Variants in CFAP54 observed in about 807,000 individuals in gnomAD.
CFAP54 encodes the protein cilia- and flagella-associated protein 54.
CFAP54 carries 290 observed loss-of-function variants against 370.4 expected under a neutral mutation model. The observed-to-expected ratio is 0.78, with a 90% CI of 0.71 to 0.86. The LOEUF is 0.86. Among genes scored for constraint, CFAP54 ranks in the 40% least tolerant of loss-of-function variants. The probability of loss-of-function intolerance (pLI) is 0.00; values close to 1 mark genes in which losing one functional copy is unlikely to be tolerated. For synonymous variants in CFAP54, 1,206 were observed against 1,236.5 expected (o/e 0.98, Z 0.52); for missense variants, 3,399 against 3,528.7 (o/e 0.96, Z 0.93).
intron 66 of CFAP54, among the ~76,000 whole-genome samples, chr12:96,849,101 G>A (rs530368145): frequency 6.0e-4 from 91 of 152,238 alleles, no homozygotes; most frequent in African/African-American, 2.2e-3. Context: ...ACTTTAGAAT[G>A]CATGTTTTTC....
At chr12:96,553,820 T>C (rs1955723335) in intron 15 of CFAP54, among the ~76,000 whole-genome samples, 1 of 151,948 alleles carries the variant, frequency 6.6e-6, no homozygotes, top group African/African-American at 2.4e-5. Flanking sequence ...AAAAATCTTT[T>C]TCAAATTAGG....
intron 36 of CFAP54, among the ~76,000 whole-genome samples, chr12:96,652,286 A>G (rs1299804209): frequency 6.6e-6 from 1 of 152,252 alleles, no homozygotes; most frequent in Non-Finnish European, 1.5e-5. Context: ...TAATATAAAT[A>G]GAATATAACC....
Position 96,822,170 on chromosome 12 carries a change from T to C in CFAP54, c.9096+4257T>C, listed in dbSNP as rs145116189. 4.4e-3 allele frequency among the ~76,000 whole-genome samples: 672 copies of C among 152,324 alleles called. 2 individuals are homozygous for C. Among genetic ancestry groups the C allele is most frequent in the African/African-American group, 0.015 (639 of 41,566 alleles). On this transcript the variant is annotated intron_variant, in intron 65 of 67. Transcript: ENST00000524981. The stretch of plus-strand genomic sequence containing the variant: ...TAAAGTGAACAACACTGGCTGTGAA[T>C]GGCTGAGTTATTTTAATCTGTCATT...
intron 67 of CFAP54, among the ~76,000 whole-genome samples, chr12:96,871,948 G>A (rs763141923): frequency 4.6e-5 from 7 of 152,092 alleles, no homozygotes; most frequent in Non-Finnish European, 1.0e-4. Flanking sequence ...GATAGGAAGG[G>A]AAGTTAGGAA....
rs144989779 is a variant in CFAP54 at position 96,817,280 on chromosome 12, AAAGTT to A, written c.8958-491_8958-487del. ...GTATGACAAGACCATAAACATAATG[AAAGTT>A]AAGACTGTGTCTCTTTGCTCATGTT... On this transcript the variant is annotated intron_variant, in intron 64 of 67. Coordinates refer to ENST00000524981, the MANE Select transcript of CFAP54 (RefSeq NM_001306084.2). Among the ~76,000 whole-genome samples, 1,452 of 152,306 alleles carry A rather than the reference AAAGTT, an allele frequency of 9.5e-3. 54 individuals are homozygous for A. In the East Asian group the frequency reaches 0.1, roughly 11 times the overall value.
At chr12:96,802,827 C>T (rs767213333) in intron 63 of CFAP54, among the ~76,000 whole-genome samples, 1 of 152,060 alleles carries the variant, frequency 6.6e-6, no homozygotes, top group Non-Finnish European at 1.5e-5. Flanking sequence ...CTCCCTCCCC[C>T]TGCTCCCTAC....
chr12:96,796,967 A>G (rs1026333692), intron 63 of CFAP54, among the ~76,000 whole-genome samples: 11 of 152,144 alleles, frequency 7.2e-5, no homozygotes, highest in African/African-American at 2.7e-4. Context: ...TTTTGAAGCT[A>G]TGACTTTCTC....
chr12:96,711,211 CTTTAT>C (rs1957610142), intron 48 of CFAP54, among the ~76,000 whole-genome samples: 1 of 151,864 alleles, frequency 6.6e-6, no homozygotes, highest in Admixed American at 6.6e-5. Flanking sequence ...CATAGTATTC[CTTTAT>C]AATTCTTTTT....
intron 26 of CFAP54, among the ~76,000 whole-genome samples, chr12:96,606,255 C>A (rs1169792587): frequency 6.6e-6 from 1 of 152,136 alleles, no homozygotes; most frequent in African/African-American, 2.4e-5. Context: ...AAGGACTATG[C>A]AAGTGAATAG....
intron 55 of CFAP54, among the ~76,000 whole-genome samples, chr12:96,745,829 T>G (rs1472823711): frequency 5.3e-5 from 8 of 152,252 alleles, no homozygotes; most frequent in Non-Finnish European, 8.8e-5. Flanking sequence ...AGTCTTCATA[T>G]TTTTATGAGT....
chr12:96,720,649 T>A, intron 50 of CFAP54, 84 bp downstream of exon 50: 1 of 1,132,740 alleles, frequency 8.8e-7, no homozygotes, highest in Non-Finnish European at 1.1e-6. Flanking sequence ...AAATTTTATG[T>A]AAGTTTTAGA....
rs1010999373 is a variant in CFAP54 at position 96,749,382 on chromosome 12, T to C, written c.7685-4361T>C. ...CACCTCCCAAAGTCTCTGCCTCTAA[T>C]AACATCATGTGGGGGTTACATTTCA... is the stretch of plus-strand genomic sequence containing the variant. On this transcript the variant is annotated intron_variant, in intron 55 of 67. Transcript: ENST00000524981. Among the ~76,000 whole-genome samples the C allele has an allele frequency of 2.6e-5, 4 of 152,206 alleles. No individual in the cohort carries two copies. The South Asian group carries it at 6.2e-4, about 24-fold the overall frequency.
Position 96,580,694 on chromosome 12 carries a change from G to T in CFAP54, c.2889+5G>T. The T allele has an allele frequency of 6.8e-7, 1 of 1,477,674 alleles. No homozygotes were observed. Among genetic ancestry groups the T allele is most frequent in the African/African-American group, 1.4e-5 (1 of 71,384 alleles). 91.5% of individuals were successfully genotyped at this position (1,477,674 alleles called of 1,614,324 possible). ...CTCCCAAATTCAGGAGAAGCGGTAC[G>T]TCAAATTAAACATCAGGAAATCTTA... is the stretch of plus-strand genomic sequence containing the variant. On this transcript the variant is annotated splice_donor_5th_base_variant and intron_variant, in intron 21 of 67. Coordinates refer to ENST00000524981, the MANE Select transcript of CFAP54 (RefSeq NM_001306084.2).
chr12:96,720,059 G>A (rs531684490), intron 49 of CFAP54, among the ~76,000 whole-genome samples: 5 of 152,156 alleles, frequency 3.3e-5, no homozygotes, highest in Non-Finnish European at 7.3e-5. Flanking sequence ...AGAGGCTCTC[G>A]GGTACTTTTC....
At chr12:96,641,044 A>G (rs2136487801) in intron 32 of CFAP54, among the ~76,000 whole-genome samples, 1 of 152,288 alleles carries the variant, frequency 6.6e-6, no homozygotes, top group East Asian at 1.9e-4. Flanking sequence ...AAACACCAAA[A>G]GCAATGGCAA....
At chr12:96,723,673 T>C (rs1957787500) in intron 50 of CFAP54, among the ~76,000 whole-genome samples, 1 of 151,930 alleles carries the variant, frequency 6.6e-6, no homozygotes, top group Non-Finnish European at 1.5e-5. Context: ...TTTTTTTTTC[T>C]TTTTTTAAAT....
intron 55 of CFAP54, among the ~76,000 whole-genome samples, chr12:96,752,133 A>AGAGAGAGAGAGAGAGAGAGAGAGAG (rs1671757016): frequency 7.7e-6 from 1 of 129,410 alleles, no homozygotes. Flanking sequence ...AGAGAGAGAG[A>AGAGAGAGAGAGAGAGAGAGAGAGAG]TTGAGGCTGT....
At chr12:96,769,126 A>T (rs1958430328) in intron 60 of CFAP54, among the ~76,000 whole-genome samples, 1 of 152,072 alleles carries the variant, frequency 6.6e-6, no homozygotes, top group South Asian at 2.1e-4. Context: ...ATGCAAAGAA[A>T]CCTTTATTTC....
chr12:96,555,255 G>C (rs1007627645), intron 17 of CFAP54, among the ~76,000 whole-genome samples: 5 of 152,072 alleles, frequency 3.3e-5, no homozygotes, highest in East Asian at 1.9e-4. Flanking sequence ...TATCAAATAA[G>C]AAAGTCAGAG....
Sources: allele counts gnomAD v4.1 joint callset (sites outside exome capture counted in the v4.1 genomes callset), GRCh38; gene constraint gnomAD v4.1.1; transcripts MANE v1.5; gene names NCBI Gene and HGNC (gene_info 2026-07-23, HGNC 2026-07-21).